Variants in DSCAM observed in about 807,000 individuals in gnomAD.
DSCAM encodes the protein cell adhesion molecule DSCAM.
In DSCAM, 47 loss-of-function variants were observed where a neutral mutation model predicts 217.7. The ratio of observed to expected loss-of-function variants is 0.22; its 90% confidence interval spans 0.17 to 0.28. The LOEUF is 0.28. DSCAM is among the 10% of genes least tolerant of loss of function. The pLI is 1.00. For synonymous variants in DSCAM, 1,056 were observed against 1,015.3 expected, an observed-to-expected ratio of 1.04 and a Z score of -0.76; for missense variants, 2,080 against 2,618.3, an observed-to-expected ratio of 0.79 and a Z score of 4.49.
At chr21:40,188,193 A>G (rs979279306) in intron 12 of DSCAM, among the ~76,000 whole-genome samples, 1 of 152,200 alleles carries the variant, frequency 6.6e-6, no homozygotes, top group African/African-American at 2.4e-5. Context: ...CCCTCTGAGG[A>G]CAAATTATTT....
At chr21:40,275,945 G>T in intron 11 of DSCAM, 152 bp downstream of exon 11, 1 of 732,190 alleles carries the variant, frequency 1.4e-6, no homozygotes, top group Non-Finnish European at 2.0e-6. Context: ...CATGTTTCCA[G>T]AACAACAAAA....
At chr21:40,493,042 A>G (rs1473183507) in intron 3 of DSCAM, among the ~76,000 whole-genome samples, 1 of 152,198 alleles carries the variant, frequency 6.6e-6, no homozygotes, top group African/African-American at 2.4e-5. Flanking sequence ...CAGATTCCTC[A>G]GAAGAAACCT....
chr21:40,710,856 G>T (rs984681365), intron 1 of DSCAM, among the ~76,000 whole-genome samples: 1 of 152,198 alleles, frequency 6.6e-6, no homozygotes, highest in African/African-American at 2.4e-5. Context: ...CAGATATTTC[G>T]AATGAACTTC....
intron 11 of DSCAM, among the ~76,000 whole-genome samples, chr21:40,256,296 T>C (rs1054244176): frequency 6.6e-6 from 1 of 152,148 alleles, no homozygotes; most frequent in Admixed American, 6.5e-5. Context: ...CTACAAGGCA[T>C]GTGTGTGGGA....
At chr21:40,441,486 C>T (rs546923990) in intron 3 of DSCAM, among the ~76,000 whole-genome samples, 4 of 152,214 alleles carry the variant, frequency 2.6e-5, no homozygotes, top group South Asian at 4.1e-4. Flanking sequence ...ACAATAGATG[C>T]TAAATATTCC....
chr21:40,464,976 T>A (rs2075832757), intron 3 of DSCAM, among the ~76,000 whole-genome samples: 1 of 152,136 alleles, frequency 6.6e-6, no homozygotes, highest in South Asian at 2.1e-4. Flanking sequence ...CTTTATCTCA[T>A]GATCCGCCTG....
Position 40,759,437 on chromosome 21 carries a change from C to G in DSCAM, c.44-50666G>C, listed in dbSNP as rs547228362. On this transcript the variant is annotated intron_variant, in intron 1 of 32. Transcript: ENST00000400454. ...TCTTTTTAAGCCTGAATAAAAAAAC[C>G]AACTGAATGATCTTTAAAGTGCACG... Among the ~76,000 whole-genome samples the G allele has an allele frequency of 2.6e-5, 4 of 152,254 alleles. No homozygotes were observed. The East Asian group carries it at 7.7e-4, about 29-fold the overall frequency.
intron 3 of DSCAM, among the ~76,000 whole-genome samples, chr21:40,678,286 C>T (rs1036257693): frequency 2.0e-5 from 3 of 152,088 alleles, no homozygotes; most frequent in African/African-American, 7.2e-5. Flanking sequence ...AAAAGCATTG[C>T]CTTATCCAGA....
intron 20 of DSCAM, among the ~76,000 whole-genome samples, chr21:40,117,365 A>G (rs564788911): frequency 6.6e-6 from 1 of 152,274 alleles, no homozygotes; most frequent in Admixed American, 6.5e-5. Context: ...TGCTGGGAGT[A>G]CTGGGGCAGG....
intron 3 of DSCAM, among the ~76,000 whole-genome samples, chr21:40,421,497 G>A (rs1189133398): frequency 6.6e-6 from 1 of 152,198 alleles, no homozygotes; most frequent in Non-Finnish European, 1.5e-5. Context: ...GGATTGGTGT[G>A]GGACACTAGG....
chr21:40,195,550 C>T (rs1033614003), intron 11 of DSCAM, among the ~76,000 whole-genome samples: 3 of 152,078 alleles, frequency 2.0e-5, no homozygotes, highest in Non-Finnish European at 4.4e-5. Flanking sequence ...TCATGATCAC[C>T]CCAAACATAG....
chr21:40,602,820 A>G lies in DSCAM; in HGVS notation c.508+89990T>C, dbSNP rs956785919. ...TTTCTCTACTGGTTTCCTGGTCTCA[A>G]TGTAGCTGATTTCTGGTCTAAGTTT... On this transcript the variant is annotated intron_variant, in intron 3 of 32. Coordinates refer to ENST00000400454, the MANE Select transcript of DSCAM (RefSeq NM_001389.5). 3.3e-5 allele frequency among the ~76,000 whole-genome samples: 5 copies of G among 152,070 alleles called. No homozygotes were observed. The South Asian group carries it at 6.2e-4, about 19-fold the overall frequency.
intron 3 of DSCAM, among the ~76,000 whole-genome samples, chr21:40,538,569 T>G (rs956292565): frequency 6.6e-6 from 1 of 152,180 alleles, no homozygotes; most frequent in African/African-American, 2.4e-5. Flanking sequence ...AAATCAAAAT[T>G]TGCCTTGATA....
chr21:40,304,432 C>T (rs1997542), intron 9 of DSCAM, among the ~76,000 whole-genome samples: 2 of 152,148 alleles, frequency 1.3e-5, no homozygotes, highest in East Asian at 1.9e-4. Context: ...ATATTAGCAA[C>T]GAGGTTGTTT....
chr21:40,416,618 A>G (rs1453210405), intron 3 of DSCAM, among the ~76,000 whole-genome samples: 4 of 152,168 alleles, frequency 2.6e-5, no homozygotes, highest in Admixed American at 1.3e-4. Flanking sequence ...CAATTTGGGG[A>G]AAAAAGTGAG....
chr21:40,733,373 C>A (rs1000293741), intron 1 of DSCAM, among the ~76,000 whole-genome samples: 1 of 152,134 alleles, frequency 6.6e-6, no homozygotes, highest in Non-Finnish European at 1.5e-5. Flanking sequence ...ATTGGAGAAG[C>A]GGAATTACTC....
intron 1 of DSCAM, among the ~76,000 whole-genome samples, chr21:40,744,743 C>A (rs1361210146): frequency 1.3e-5 from 2 of 151,800 alleles, no homozygotes; most frequent in African/African-American, 4.8e-5. Flanking sequence ...TTAAAAAAAA[C>A]AAAACAACAA....
intron 27 of DSCAM, among the ~76,000 whole-genome samples, chr21:40,068,100 T>A (rs2089237524): frequency 6.6e-6 from 1 of 152,090 alleles, no homozygotes. Flanking sequence ...TGGGAAATGA[T>A]GGAGAAATGA....
intron 3 of DSCAM, among the ~76,000 whole-genome samples, chr21:40,516,888 C>CATAT (rs55695954): frequency 0.038 from 5,513 of 143,416 alleles, 188 homozygotes; most frequent in East Asian, 0.16. Flanking sequence ...ACACACACAC[C>CATAT]ATATATATAT....
Sources: gnomAD v4.1 joint callset for allele counts (sites outside exome capture counted in the v4.1 genomes callset) on GRCh38, gnomAD v4.1.1 for gene constraint, MANE v1.5 for transcripts, NCBI Gene and HGNC (gene_info 2026-07-23, HGNC 2026-07-21) for gene names.